Variants in MYO15B observed in about 807,000 individuals in gnomAD.
MYO15B encodes the protein myosin XVB, also known as myosin XVB pseudogene.
Under a neutral mutation model 119.3 loss-of-function variants are expected in MYO15B, and 207 were observed. The ratio of observed to expected loss-of-function variants is 1.73; its 90% CI spans 1.55 to 1.95. The LOEUF (loss-of-function observed/expected upper bound fraction) is 1.95, where lower values mean the gene tolerates loss of function less well. Ranked by LOEUF, MYO15B falls within the 30% of genes most tolerant of loss-of-function variation. The pLI, the probability that MYO15B is intolerant of heterozygous loss-of-function variation, is 0.00. For missense variants in MYO15B, 2,264 were observed against 1,203.1 expected, an observed-to-expected ratio of 1.88 and a Z score of -13.04; for synonymous variants, 966 against 498.9, an observed-to-expected ratio of 1.94 and a Z score of -12.48.
chr17:75,625,146 G>A, exon 60 of MYO15B: 2 of 701,044 alleles, frequency 2.9e-6, no homozygotes, highest in Non-Finnish European at 5.2e-6. Flanking sequence ...ACCTTCAGGG[G>A]AAGCTGCCAG....
chr17:75,626,311 C>G lies in MYO15B; in HGVS notation c.9213+83C>G, dbSNP rs904771822. The G allele has an allele frequency of 2.0e-5, 14 of 698,330 alleles. 1 individual carries two copies. Among genetic ancestry groups the G allele is most frequent in the Non-Finnish European group, 3.7e-5 (14 of 382,318 alleles). The allele number at this position is 698,330 out of a possible 1,614,324, so 43.3% of individuals were successfully genotyped here. The stretch of plus-strand genomic sequence containing the variant: ...CATGGCGTGCAGTGGGAGCCCAGGC[C>G]CAGGCCGATGCCCACTGCTCCGGAG... On this transcript the variant is annotated intron_variant, in intron 63 of 63. Coordinates refer to ENST00000645453, the Ensembl canonical transcript of MYO15B.
intron 55 of MYO15B, 37 bp from the exon 56 acceptor site, chr17:75,624,138 A>G (rs73995929): frequency 4.3e-6 from 3 of 702,588 alleles, no homozygotes; most frequent in Non-Finnish European, 7.8e-6. Flanking sequence ...TTGGGGAGAC[A>G]TGGCCATCTC....
chr17:75,616,792 C>A lies in MYO15B; in HGVS notation c.6506+7C>A. ...TGCCCGTGCAGCCATCCAGGTGGGCCCCCACGGGGAGGTGGCCAGGGCTGT... is the reference window on the plus strand; with the variant it reads ...TGCCCGTGCAGCCATCCAGGTGGGCACCCACGGGGAGGTGGCCAGGGCTGT... On this transcript the variant is annotated splice_region_variant and intron_variant, in intron 39 of 63. Transcript: ENST00000645453. 1.4e-6 allele frequency: 1 copy of A among 703,018 alleles called. No homozygotes were observed. The highest frequency in any genetic ancestry group is 2.6e-6 in the Non-Finnish European group (1 of 384,994). The allele number at this position is 703,018 out of a possible 1,614,324, so 43.5% of individuals were successfully genotyped here. A position where few individuals can be genotyped will look rare whatever the true frequency, so the allele number is the denominator to read the frequency against.
exon 1 of MYO15B, chr17:75,588,867 G>A (rs1416694194): frequency 7.5e-6 from 3 of 398,382 alleles, no homozygotes; most frequent in Non-Finnish European, 1.3e-5. Flanking sequence ...GGGCTCCTCG[G>A]GACACTGGGC....
At chr17:75,601,102 A>G (rs1361448157) in intron 14 of MYO15B, among the ~76,000 whole-genome samples, 1 of 150,442 alleles carries the variant, frequency 6.6e-6, no homozygotes, top group Admixed American at 6.6e-5. Flanking sequence ...TTGGGATTTC[A>G]CTATGTTGGC....
In MYO15B at chr17:75,616,405, AGG is replaced by A; in HGVS notation, c.6204_6205del (p.Glu2069GlyfsTer38). The A allele has an allele frequency of 1.6e-6, 1 of 625,178 alleles. No individual in the cohort carries two copies. The highest frequency in any genetic ancestry group is 2.7e-5 in the Admixed American group (1 of 37,348). The allele number at this position is 625,178 out of a possible 1,614,324, so 38.7% of individuals were successfully genotyped here. A position where few individuals can be genotyped will look rare whatever the true frequency, so the allele number is the denominator to read the frequency against. On this transcript the variant is annotated frameshift_variant, in exon 38 of 64. Transcript: ENST00000645453. LOFTEE classifies it high-confidence loss of function. ...CAGGAGGAGGAGGAGGAGGAGGAGGAGGAGGAGGAGCAGGAGGAGCAAGAAGT... is the reference window on the plus strand; with the variant it reads ...CAGGAGGAGGAGGAGGAGGAGGAGGAAGGAGGAGCAGGAGGAGCAAGAAGT...
chr17:75,596,317 A>C, intron 12 of MYO15B, 143 bp from the exon 13 acceptor site: 1 of 612,620 alleles, frequency 1.6e-6, no homozygotes, highest in East Asian at 2.8e-5. Context: ...GCTGTGCCGG[A>C]TCCTTTAGAC....
chr17:75,595,221 C>T (rs60950741), intron 12 of MYO15B, among the ~76,000 whole-genome samples: 4,984 of 152,278 alleles, frequency 0.033, 267 homozygotes, highest in African/African-American at 0.11. Context: ...GCTGTCTGCG[C>T]GCCTTGGAGT....
exon 4 of MYO15B, chr17:75,591,211 T>G: frequency 1.4e-6 from 1 of 702,968 alleles, no homozygotes; most frequent in Non-Finnish European, 2.6e-6. Context: ...ATGACCTGGC[T>G]CAGAATACTG....
chr17:75,626,267 T>C (rs1345721226), intron 63 of MYO15B, 39 bp downstream of exon 63: 1 of 700,774 alleles, frequency 1.4e-6, no homozygotes, highest in Non-Finnish European at 2.6e-6. Flanking sequence ...CGAAGGTGGA[T>C]GTGAGGGCCT....
chr17:75,595,115 C>T, intron 12 of MYO15B, 143 bp downstream of exon 12: 1 of 623,318 alleles, frequency 1.6e-6, no homozygotes, highest in Non-Finnish European at 2.9e-6. Context: ...GCTCCTTCTG[C>T]ATCTGCTGGG....
At chr17:75,602,697 C>T (rs1471276701) in intron 16 of MYO15B, 103 bp downstream of exon 16, 4 of 608,422 alleles carry the variant, frequency 6.6e-6, no homozygotes, top group East Asian at 2.7e-5. Flanking sequence ...CCCTCAAGTC[C>T]CTGGCACCTT....
At position 75,608,056 on chromosome 17, in the gene MYO15B, C is replaced by G. The variant is rs985597440; in HGVS notation, c.4292+2035C>G. Reference sequence around the variant, plus strand: ...CTAGGACTAATGACGTTGAGCATCTCAGACATTAGTGCCACTCCTTTGGAG... The same window carrying G: ...CTAGGACTAATGACGTTGAGCATCTGAGACATTAGTGCCACTCCTTTGGAG... On this transcript the variant is annotated intron_variant, in intron 21 of 63. Transcript: ENST00000645453. Among the ~76,000 whole-genome samples, 6 of 152,158 alleles carry G rather than the reference C, an allele frequency of 3.9e-5. 1 individual carries two copies. Among genetic ancestry groups the G allele is most frequent in the African/African-American group, 1.2e-4 (5 of 41,434 alleles).
intron 5 of MYO15B, 88 bp from the exon 6 acceptor site, chr17:75,591,889 A>G: frequency 1.5e-6 from 1 of 672,476 alleles, no homozygotes; most frequent in Non-Finnish European, 2.7e-6. Flanking sequence ...GATGGGACTG[A>G]CGCCTCCCTG....
intron 16 of MYO15B, 69 bp downstream of exon 16, chr17:75,602,663 TG>T: frequency 1.6e-6 from 1 of 612,950 alleles, no homozygotes; most frequent in Non-Finnish European, 2.9e-6. Context: ...CTTTTCCCCC[TG>T]GGCGCTCTTG....
At position 75,594,821 on chromosome 17, in the gene MYO15B, C is replaced by T; in HGVS notation, c.3165-19C>T. 1.4e-6 allele frequency: 1 copy of T among 702,810 alleles called. No homozygotes were observed. Among genetic ancestry groups the T allele is most frequent in the Non-Finnish European group, 2.6e-6 (1 of 384,872 alleles). 43.5% of individuals were successfully genotyped at this position (702,810 alleles called of 1,614,324 possible). ...CGAGGCACGGCTCTATGTGGCTCAC[C>T]CACCCGCCATGCCTACAGGGACGCC... On this transcript the variant is annotated intron_variant, in intron 11 of 63. Transcript: ENST00000645453.
At chr17:75,606,694 A>G (rs1204072899) in intron 21 of MYO15B, among the ~76,000 whole-genome samples, 1 of 150,970 alleles carries the variant, frequency 6.6e-6, no homozygotes, top group African/African-American at 2.4e-5. Flanking sequence ...GCTGGTCTCG[A>G]ACTCCCGACC....
At chr17:75,615,327 C>G (rs1274047423) in exon 34 of MYO15B, 2 of 702,414 alleles carry the variant, frequency 2.8e-6, no homozygotes, top group Non-Finnish European at 2.6e-6. Flanking sequence ...GGCACAGTCC[C>G]TGCCATGCCA....
chr17:75,601,302 G>T (rs1428475190), intron 14 of MYO15B, 136 bp from the exon 15 acceptor site: 8 of 588,106 alleles, frequency 1.4e-5, no homozygotes, highest in African/African-American at 1.9e-5. Context: ...GCCTCCCAAA[G>T]CGCTTGTTTT....
Sources: allele counts gnomAD v4.1 joint callset (sites outside exome capture counted in the v4.1 genomes callset), GRCh38; gene constraint gnomAD v4.1.1; transcripts MANE v1.5; gene names NCBI Gene and HGNC (gene_info 2026-07-23, HGNC 2026-07-21).